KTN1: variants seen among roughly 807,000 people sequenced by gnomAD.
KTN1 encodes the protein kinectin 1, also known as kinectin.
KTN1 carries 130 observed loss-of-function variants against 222.5 expected under a neutral mutation model. The observed-to-expected ratio is 0.58, with a 90% CI of 0.51 to 0.68. The LOEUF (loss-of-function observed/expected upper bound fraction) is 0.68. KTN1 is among the 30% of genes least tolerant of loss of function. The pLI, the probability that KTN1 is intolerant of heterozygous loss-of-function variation, is 0.00. For missense variants in KTN1, 1,508 were observed against 1,500.4 expected (o/e 1.01, Z -0.08); for synonymous variants, 512 against 496.3 (o/e 1.03, Z -0.42).
At chr14:55,596,903 C>A (rs553692576) in intron 1 of KTN1, among the ~76,000 whole-genome samples, 2 of 150,834 alleles carry the variant, frequency 1.3e-5, no homozygotes, top group African/African-American at 4.9e-5. Context: ...TATATCTGTA[C>A]TTTTTGATGT....
At chr14:55,621,281 T>C (rs1348703238) in intron 5 of KTN1, among the ~76,000 whole-genome samples, 1 of 136,994 alleles carries the variant, frequency 7.3e-6, no homozygotes, top group Non-Finnish European at 1.5e-5. Context: ...TCCTGTCTTC[T>C]TCTGAGCCCT....
intron 29 of KTN1, among the ~76,000 whole-genome samples, chr14:55,656,913 T>C (rs1165894940): frequency 2.0e-5 from 3 of 152,214 alleles, no homozygotes; most frequent in Non-Finnish European, 4.4e-5. Flanking sequence ...AGTGAAATTC[T>C]GGATCAAGGC....
At chr14:55,611,349 G>A (rs1258066205) in intron 1 of KTN1, among the ~76,000 whole-genome samples, 1 of 145,370 alleles carries the variant, frequency 6.9e-6, no homozygotes, top group Non-Finnish European at 1.5e-5. Context: ...TGATCCGTCT[G>A]CCTCAGCCTC....
At chr14:55,673,292 A>G (rs2045607371) in intron 40 of KTN1, 37 bp downstream of exon 40, 1 of 1,304,900 alleles carries the variant, frequency 7.7e-7, no homozygotes, top group Non-Finnish European at 1.1e-6. Flanking sequence ...TCAAGTAGGC[A>G]CTGAAAACAC....
intron 43 of KTN1, 106 bp downstream of exon 43, chr14:55,679,791 T>C: frequency 1.7e-6 from 2 of 1,186,310 alleles, no homozygotes; most frequent in Non-Finnish European, 2.4e-6. Context: ...ATATTCCTTC[T>C]TTATCTCTCA....
At chr14:55,658,360 G>A (rs773703848) in intron 29 of KTN1, among the ~76,000 whole-genome samples, 186 bp from the exon 30 acceptor site, 2 of 152,096 alleles carry the variant, frequency 1.3e-5, no homozygotes, top group Non-Finnish European at 1.5e-5. Flanking sequence ...TGCAAACTCC[G>A]CAGCTAGTAC....
chr14:55,631,339 T>C (rs2040482151), intron 7 of KTN1, among the ~76,000 whole-genome samples: 1 of 112,386 alleles, frequency 8.9e-6, no homozygotes, highest in Admixed American at 9.4e-5. Context: ...ATTGATAAGG[T>C]TGATATATAT....
intron 1 of KTN1, among the ~76,000 whole-genome samples, chr14:55,585,218 C>G (rs1192919685): frequency 6.6e-6 from 1 of 151,638 alleles, no homozygotes; most frequent in East Asian, 1.9e-4. Context: ...TCAGTTTGCT[C>G]CTTTCCTCTT....
intron 1 of KTN1, among the ~76,000 whole-genome samples, chr14:55,593,372 C>G (rs2034463895): frequency 6.7e-6 from 1 of 149,342 alleles, no homozygotes; most frequent in Non-Finnish European, 1.5e-5. Context: ...ACAACTCTTG[C>G]ATTCAAATCA....
chr14:55,659,342 A>G (rs2043859046), intron 30 of KTN1, among the ~76,000 whole-genome samples: 1 of 149,130 alleles, frequency 6.7e-6, no homozygotes, highest in African/African-American at 2.5e-5. Context: ...GAAGCTTAAC[A>G]GTTTTATGTA....
rs1480588536 is a variant in KTN1 at position 55,648,109 on chromosome 14, G to A, written c.2292G>A (p.Glu764=). The A allele has an allele frequency of 6.6e-7, 1 of 1,525,590 alleles. No homozygotes were observed. Among genetic ancestry groups the A allele is most frequent in the Non-Finnish European group, 8.9e-7 (1 of 1,118,838 alleles). The allele number at this position is 1,525,590 out of a possible 1,614,324, so 94.5% of individuals were successfully genotyped here. Residue 764 remains glutamate (E), a synonymous_variant, in exon 20 of 44, where the codon GAG becomes GAA. Transcript: ENST00000395314. Reference sequence around the variant, plus strand: ...TTCAGGTGGCAACTAAAGAAGAGGAGCTGAATGTAAAGCATTTTGTAGTTT... The same window carrying A: ...TTCAGGTGGCAACTAAAGAAGAGGAACTGAATGTAAAGCATTTTGTAGTTT... ...GLIQVATKEE[E]LNAIRTENSS... is the part of the protein sequence containing the mutation.
intron 40 of KTN1, 148 bp downstream of exon 40, chr14:55,673,403 T>A: frequency 4.2e-6 from 2 of 472,844 alleles, no homozygotes; most frequent in Non-Finnish European, 7.6e-6. Context: ...ATTCCGATGA[T>A]TCCTAAGATT....
intron 31 of KTN1, among the ~76,000 whole-genome samples, chr14:55,660,289 G>C: frequency 6.6e-6 from 1 of 151,328 alleles, no homozygotes; most frequent in Non-Finnish European, 1.5e-5. Flanking sequence ...GAAGTGGGAG[G>C]ATCTTTTTAG....
intron 1 of KTN1, among the ~76,000 whole-genome samples, chr14:55,595,840 G>A (rs991805692): frequency 1.3e-5 from 2 of 152,064 alleles, no homozygotes; most frequent in African/African-American, 4.8e-5. Flanking sequence ...AAAAGGTATC[G>A]GAGTGATTTT....
intron 1 of KTN1, among the ~76,000 whole-genome samples, chr14:55,583,780 G>T (rs564950212): frequency 2.6e-5 from 4 of 152,254 alleles, no homozygotes; most frequent in East Asian, 3.9e-4. Context: ...CTATCCACTT[G>T]GATGTGCAGT....
chr14:55,645,366 A>G (rs2042184657), intron 18 of KTN1, among the ~76,000 whole-genome samples: 1 of 152,222 alleles, frequency 6.6e-6, no homozygotes, highest in East Asian at 1.9e-4. Context: ...ATGCTGTGTC[A>G]GGACCATGAA....
chr14:55,616,350 C>T (rs2038389089), intron 2 of KTN1, among the ~76,000 whole-genome samples, 167 bp from the exon 3 acceptor site: 1 of 152,022 alleles, frequency 6.6e-6, no homozygotes, highest in Admixed American at 6.6e-5. Flanking sequence ...CATTGAAGAG[C>T]TGGTGTAGTG....
At chr14:55,619,108 C>T in intron 4 of KTN1, 74 bp from the exon 5 acceptor site, 1 of 1,225,500 alleles carries the variant, frequency 8.2e-7, no homozygotes, top group Non-Finnish European at 1.2e-6. Context: ...ATTCTTCATG[C>T]TTACCTTTGC....
chr14:55,600,672 G>T (rs1788844315), intron 1 of KTN1, among the ~76,000 whole-genome samples: 1 of 152,128 alleles, frequency 6.6e-6, no homozygotes. Flanking sequence ...AGATTTTAAG[G>T]GGAGGAAAGC....
Sources: allele counts gnomAD v4.1 joint callset (sites outside exome capture counted in the v4.1 genomes callset), GRCh38; gene constraint gnomAD v4.1.1; transcripts MANE v1.5; gene names NCBI Gene and HGNC (gene_info 2026-07-23, HGNC 2026-07-21).